PTPN1: variants seen among roughly 807,000 people sequenced by gnomAD.
PTPN1 encodes the protein tyrosine-protein phosphatase non-receptor type 1.
PTPN1 carries 12 observed loss-of-function variants against 59.9 expected under a neutral mutation model. The observed-to-expected ratio is 0.20, with a 90% CI of 0.13 to 0.32. PTPN1 has a LOEUF of 0.32. Among genes scored for constraint, PTPN1 ranks in the 10% least tolerant of loss-of-function variants. The pLI, the probability that PTPN1 is intolerant of heterozygous loss-of-function variation, is 1.00. For missense variants in PTPN1, 356 were observed against 549.2 expected (o/e 0.65, Z 3.52); for synonymous variants, 178 against 203.6 (o/e 0.87, Z 1.07).
chr20:50,581,410 A>G lies in PTPN1; in HGVS notation c.1234A>G (p.Asn412Asp), dbSNP rs1279842769. 3 of 1,613,814 alleles carry G rather than the reference A, an allele frequency of 1.9e-6. No homozygotes were observed. The highest frequency in any genetic ancestry group is 2.5e-6 in the Non-Finnish European group (3 of 1,179,780). Reference protein sequence around the residue: ...ALSYWKPFLVNMCVATVLTAG... With the variant: ...ALSYWKPFLVDMCVATVLTAG... ...GAGTTACTGGAAGCCCTTCCTGGTCAACATGTGCGTGGCTACGGTCCTCAC... is the reference window on the plus strand; with the variant it reads ...GAGTTACTGGAAGCCCTTCCTGGTCGACATGTGCGTGGCTACGGTCCTCAC... Residue 412 changes from asparagine to aspartate, a missense_variant, in exon 9 of 10, where the codon AAC (asparagine) becomes GAC (aspartate). By Grantham distance (23) the Asn-to-Asp change is conservative. Transcript: ENST00000371621.
chr20:50,569,331 G>GT (rs1289205317), intron 4 of PTPN1, among the ~76,000 whole-genome samples: 1 of 152,176 alleles, frequency 6.6e-6, no homozygotes, highest in African/African-American at 2.4e-5. Flanking sequence ...TCTGTTTTTA[G>GT]TTTCTTACCA....
intron 1 of PTPN1, among the ~76,000 whole-genome samples, chr20:50,521,942 A>G (rs912994285): frequency 1.3e-5 from 2 of 152,124 alleles, no homozygotes; most frequent in African/African-American, 4.8e-5. Context: ...GGTGTACACT[A>G]CCTAGCACTT....
At chr20:50,535,237 A>G (rs911267983) in intron 1 of PTPN1, among the ~76,000 whole-genome samples, 4 of 152,200 alleles carry the variant, frequency 2.6e-5, no homozygotes, top group Non-Finnish European at 4.4e-5. Flanking sequence ...TGTTACCTCC[A>G]GATTCCTAAC....
intron 1 of PTPN1, among the ~76,000 whole-genome samples, chr20:50,519,035 T>G (rs2082540507): frequency 6.6e-6 from 1 of 152,242 alleles, no homozygotes; most frequent in South Asian, 2.1e-4. Flanking sequence ...TGACAGTTTT[T>G]CTTGAATAAA....
At chr20:50,571,477 T>C (rs1382622674) in intron 4 of PTPN1, 4 of 152,236 alleles carry the variant, frequency 2.6e-5, no homozygotes, top group Non-Finnish European at 5.9e-5. Context: ...CATGAGAAGT[T>C]ACAGTATCTT....
rs142716840 is a variant in PTPN1 at position 50,533,801 on chromosome 20, G to A, written c.63+23211G>A. 6.4e-3 allele frequency among the ~76,000 whole-genome samples: 967 copies of A among 152,256 alleles called. 5 individuals are homozygous for A. Among genetic ancestry groups the A allele is most frequent in the Non-Finnish European group, 9.5e-3 (648 of 68,018 alleles). The stretch of plus-strand genomic sequence containing the variant: ...GGCTGGAGGTGGAACAGGGCTGCTC[G>A]CTAGAACTCCAGATTGTTCCACAAG... On this transcript the variant is annotated intron_variant, in intron 1 of 9. Coordinates refer to ENST00000371621, the MANE Select transcript of PTPN1 (RefSeq NM_002827.4).
intron 4 of PTPN1, among the ~76,000 whole-genome samples, chr20:50,569,264 T>C (rs1380562741): frequency 6.6e-6 from 1 of 152,242 alleles, no homozygotes; most frequent in Non-Finnish European, 1.5e-5. Flanking sequence ...GGTCTGGCCC[T>C]AGGCCCCTGG....
intron 2 of PTPN1, 51 bp downstream of exon 2, chr20:50,561,504 C>G: frequency 7.9e-7 from 1 of 1,264,324 alleles, no homozygotes; most frequent in Admixed American, 2.2e-5. Flanking sequence ...TGCTGCAGGC[C>G]TTTTTAGTCA....
Position 50,578,557 on chromosome 20 carries a change from C to A in PTPN1, c.630C>A (p.Pro210=). Residue 210 remains proline, a synonymous_variant, in exon 6 of 10, where the codon CCC becomes CCA. Coordinates refer to ENST00000371621, the MANE Select transcript of PTPN1 (RefSeq NM_002827.4). ...GGTCACTCAGCCCGGAGCACGGGCC[C>A]GTTGTGGTGCACTGCAGTGCAGGCA... ...ESGSLSPEHG[P]VVVHCSAGIG... is the part of the protein sequence containing the mutation. The A allele has an allele frequency of 6.2e-7, 1 of 1,614,234 alleles. No individual in the cohort carries two copies. The highest frequency in any genetic ancestry group is 8.5e-7 in the Non-Finnish European group (1 of 1,180,052).
chr20:50,534,970 A>C (rs2082617890), intron 1 of PTPN1, among the ~76,000 whole-genome samples: 1 of 152,048 alleles, frequency 6.6e-6, no homozygotes, highest in Non-Finnish European at 1.5e-5. Flanking sequence ...TTCAGGCGGA[A>C]CTCCTGCCTT....
At chr20:50,555,722 ATT>A (rs879269992) in intron 1 of PTPN1, among the ~76,000 whole-genome samples, 2 of 143,568 alleles carry the variant, frequency 1.4e-5, no homozygotes, top group African/African-American at 5.1e-5. Flanking sequence ...TCTTACCTCT[ATT>A]TTTTTTTTTT....
At chr20:50,580,387 G>GT (rs1262604099) in intron 8 of PTPN1, among the ~76,000 whole-genome samples, 2 of 152,156 alleles carry the variant, frequency 1.3e-5, no homozygotes, top group African/African-American at 4.8e-5. Flanking sequence ...CCATTATTGA[G>GT]TACCTATTGA....
At chr20:50,563,375 G>A (rs1483878969) in intron 2 of PTPN1, among the ~76,000 whole-genome samples, 1 of 152,138 alleles carries the variant, frequency 6.6e-6, no homozygotes, top group Non-Finnish European at 1.5e-5. Flanking sequence ...TGAACGAGGG[G>A]CTCTGTATAC....
At chr20:50,536,605 T>C (rs1390443473) in intron 1 of PTPN1, among the ~76,000 whole-genome samples, 1 of 152,202 alleles carries the variant, frequency 6.6e-6, no homozygotes, top group Non-Finnish European at 1.5e-5. Flanking sequence ...AGAACATTGG[T>C]CCCTAGAGCA....
intron 1 of PTPN1, among the ~76,000 whole-genome samples, chr20:50,511,521 C>G (rs1376677399): frequency 1.3e-5 from 2 of 152,252 alleles, no homozygotes; most frequent in Admixed American, 6.5e-5. Flanking sequence ...ACGTTTTAAC[C>G]CTCTCTAAAA....
intron 3 of PTPN1, among the ~76,000 whole-genome samples, chr20:50,566,123 C>T (rs1415783632): frequency 1.3e-5 from 2 of 152,170 alleles, no homozygotes; most frequent in Admixed American, 1.3e-4. Context: ...AGGCCTTTAC[C>T]AGGCCCTGAG....
intron 1 of PTPN1, among the ~76,000 whole-genome samples, chr20:50,525,686 G>C (rs537621077): frequency 6.6e-6 from 1 of 151,564 alleles, no homozygotes; most frequent in East Asian, 1.9e-4. Flanking sequence ...AAAGGGGAAA[G>C]GTTTTCCTTA....
chr20:50,563,079 C>G (rs1418515006), intron 2 of PTPN1: 1 of 150,242 alleles, frequency 6.7e-6, no homozygotes, highest in Non-Finnish European at 1.5e-5. Flanking sequence ...TGTTCCTTCT[C>G]CATCCCCACT....
At chr20:50,545,921 T>C (rs1403518703) in intron 1 of PTPN1, among the ~76,000 whole-genome samples, 1 of 150,870 alleles carries the variant, frequency 6.6e-6, no homozygotes, top group Non-Finnish European at 1.5e-5. Context: ...GCCTGTAGTC[T>C]CAGCTACCCA....
Sources: allele counts gnomAD v4.1 joint callset (sites outside exome capture counted in the v4.1 genomes callset), GRCh38; gene constraint gnomAD v4.1.1; transcripts MANE v1.5; gene names NCBI Gene and HGNC (gene_info 2026-07-23, HGNC 2026-07-21).